The following PRTG variants were observed in gnomAD, a reference collection of about 807,000 sequenced individuals.
PRTG encodes protogenin.
In PRTG, 67 loss-of-function variants were observed where a neutral mutation model predicts 122.5. That is an observed-to-expected ratio of 0.55 (90% CI 0.45 to 0.67). The LOEUF is 0.67. PRTG is among the 30% of genes least tolerant of loss of function. The pLI is 0.00. For missense variants in PRTG, 1,435 were observed against 1,415.4 expected (o/e 1.01, Z -0.22); for synonymous variants, 554 against 501.1 (o/e 1.11, Z -1.41).
At chr15:55,672,916 A>G (rs993530214) in intron 10 of PRTG, among the ~76,000 whole-genome samples, 6 of 152,114 alleles carry the variant, frequency 3.9e-5, no homozygotes, top group African/African-American at 1.4e-4. Flanking sequence ...AATTTTGGCC[A>G]CACTCCTCTG....
rs2059294385 is a variant in PRTG, at chr15:55,642,122, C to T, written c.2042-914G>A. On this transcript the variant is annotated intron_variant, in intron 11 of 19. Transcript: ENST00000389286. ...CCGGGAAGCGGAGCTTGCAGTGAGC[C>T]GAGATTGCGCCACTGCAGTCCGCAG... is the stretch of plus-strand genomic sequence containing the variant. Among the ~76,000 whole-genome samples the T allele has an allele frequency of 3.6e-5, 5 of 138,422 alleles. No homozygotes were observed. In the South Asian group the frequency reaches 1.1e-3, roughly 31 times the overall value. The allele number at this position is 138,422 out of a possible 152,430, so 90.8% of individuals were successfully genotyped here. A position where few individuals can be genotyped will look rare whatever the true frequency, so the allele number is the denominator to read the frequency against.
intron 11 of PRTG, among the ~76,000 whole-genome samples, chr15:55,643,951 C>T (rs1171611326): frequency 6.6e-6 from 1 of 151,838 alleles, no homozygotes; most frequent in Non-Finnish European, 1.5e-5. Context: ...GCAGCCTTCA[C>T]TTACCTGGGC....
In PRTG at chr15:55,640,980, C is replaced by A. The variant is rs182162267; in HGVS notation, c.2137+133G>T. The stretch of plus-strand genomic sequence containing the variant: ...ACAAACAAACAAAACAAAAAAACTA[C>A]GCTATACAGCACAGAGGATAGAAAT... On this transcript the variant is annotated intron_variant, in intron 12 of 19. Transcript: ENST00000389286. The A allele has an allele frequency of 1.6e-5, 10 of 626,096 alleles. No homozygotes were observed. In the East Asian group the frequency reaches 2.8e-4, roughly 18 times the overall value. The allele number at this position is 626,096 out of a possible 1,614,324, so 38.8% of individuals were successfully genotyped here.
chr15:55,677,525 AC>A (rs1004759060), intron 8 of PRTG, among the ~76,000 whole-genome samples: 1 of 152,198 alleles, frequency 6.6e-6, no homozygotes, highest in Non-Finnish European at 1.5e-5. Context: ...TAAGTACACC[AC>A]TTTGTAACTT....
intron 2 of PRTG, among the ~76,000 whole-genome samples, chr15:55,708,028 T>C (rs1208907574): frequency 6.6e-6 from 1 of 151,968 alleles, no homozygotes; most frequent in Non-Finnish European, 1.5e-5. Context: ...GCAATGTTTT[T>C]CAACCGTCTC....
At chr15:55,732,230 C>G (rs1444811515) in intron 2 of PRTG, among the ~76,000 whole-genome samples, 2 of 152,176 alleles carry the variant, frequency 1.3e-5, no homozygotes, top group Non-Finnish European at 2.9e-5. Context: ...ACTCTGTCAC[C>G]CAGGCTAGAG....
rs1000697822 is a variant in PRTG, at chr15:55,613,997, A to G, written c.*6015T>C. On this transcript the variant is annotated 3_prime_UTR_variant, in exon 20 of 20. Coordinates refer to ENST00000389286, the MANE Select transcript of PRTG (RefSeq NM_173814.6). ...GCTTGGCACACTGTAGATGCTCAAC[A>G]AATGGCATCATATTACTTCCTAGAG... is the stretch of plus-strand genomic sequence containing the variant. The G allele has an allele frequency of 3.6e-4, 55 of 152,110 alleles. 1 individual carries two copies. Among genetic ancestry groups the G allele is most frequent in the African/African-American group, 1.3e-3 (55 of 41,434 alleles). The allele number at this position is 152,110 out of a possible 1,614,324, so 9.4% of individuals were successfully genotyped here.
intron 2 of PRTG, among the ~76,000 whole-genome samples, chr15:55,708,259 G>C (rs1408032697): frequency 6.7e-6 from 1 of 148,402 alleles, no homozygotes; most frequent in African/African-American, 2.5e-5. Context: ...ATCACAAGAA[G>C]AAATGAAGCA....
intron 2 of PRTG, among the ~76,000 whole-genome samples, chr15:55,692,761 A>C (rs2059610809): frequency 6.6e-6 from 1 of 151,908 alleles, no homozygotes; most frequent in African/African-American, 2.4e-5. Flanking sequence ...GATTTACAGA[A>C]AGACATCTTT....
At chr15:55,671,900 A>G (rs1262188151) in intron 11 of PRTG, among the ~76,000 whole-genome samples, 1 of 152,156 alleles carries the variant, frequency 6.6e-6, no homozygotes, top group African/African-American at 2.4e-5. Context: ...GAATAAAACA[A>G]TGTCTTTCAG....
At chr15:55,623,827 C>A (rs2059179763) in intron 18 of PRTG, among the ~76,000 whole-genome samples, 1 of 152,156 alleles carries the variant, frequency 6.6e-6, no homozygotes, top group African/African-American at 2.4e-5. Context: ...TGTTTCTGTA[C>A]AACTTTCTTC....
chr15:55,716,142 A>G (rs1190276851), intron 2 of PRTG, among the ~76,000 whole-genome samples: 1 of 152,210 alleles, frequency 6.6e-6, no homozygotes, highest in Non-Finnish European at 1.5e-5. Flanking sequence ...CTGAGACGGG[A>G]GAATCGCTTG....
At chr15:55,685,221 G>A (rs1028019705) in intron 2 of PRTG, among the ~76,000 whole-genome samples, 1 of 152,152 alleles carries the variant, frequency 6.6e-6, no homozygotes, top group African/African-American at 2.4e-5. Flanking sequence ...AGGCTGAAAA[G>A]GGTAAAAGGT....
At chr15:55,742,731 GA>G in intron 1 of PRTG, 106 bp downstream of exon 1, 1 of 1,369,366 alleles carries the variant, frequency 7.3e-7, no homozygotes, top group Admixed American at 2.1e-5. Context: ...CACCACGGAG[GA>G]CCCCGCCGCG....
chr15:55,677,337 T>C (rs999364442), intron 8 of PRTG, among the ~76,000 whole-genome samples: 7 of 152,158 alleles, frequency 4.6e-5, no homozygotes, highest in African/African-American at 1.7e-4. Context: ...ACTTAAAATA[T>C]ACAAAATCAA....
chr15:55,707,569 G>A (rs1419145157), intron 2 of PRTG, among the ~76,000 whole-genome samples: 2 of 152,166 alleles, frequency 1.3e-5, no homozygotes, highest in African/African-American at 2.4e-5. Context: ...AATAAAAGAA[G>A]AGAATTCTGG....
chr15:55,682,830 T>A (rs2059548392), intron 3 of PRTG, among the ~76,000 whole-genome samples: 1 of 152,132 alleles, frequency 6.6e-6, no homozygotes, highest in African/African-American at 2.4e-5. Context: ...CCCAAAGTGT[T>A]GGAATTACAG....
chr15:55,624,086 A>G (rs2059181072), intron 18 of PRTG, among the ~76,000 whole-genome samples: 1 of 152,150 alleles, frequency 6.6e-6, no homozygotes, highest in Non-Finnish European at 1.5e-5. Flanking sequence ...AACTGAGATT[A>G]TATGTTGGAA....
At chr15:55,696,347 C>T (rs1024305462) in intron 2 of PRTG, among the ~76,000 whole-genome samples, 1 of 152,156 alleles carries the variant, frequency 6.6e-6, no homozygotes, top group South Asian at 2.1e-4. Flanking sequence ...TATATATTAA[C>T]GTAAAGCTTA....
Sources: gnomAD v4.1 joint callset for allele counts (sites outside exome capture counted in the v4.1 genomes callset) on GRCh38, gnomAD v4.1.1 for gene constraint, MANE v1.5 for transcripts, NCBI Gene and HGNC (gene_info 2026-07-23, HGNC 2026-07-21) for gene names.